GALNT2: variants seen among roughly 807,000 people sequenced by gnomAD.
GALNT2 encodes polypeptide N-acetylgalactosaminyltransferase 2.
GALNT2 carries 31 observed loss-of-function variants against 81.4 expected under a neutral mutation model. The observed-to-expected ratio is 0.38, with a 90% confidence interval of 0.29 to 0.51. GALNT2 has a LOEUF of 0.51. GALNT2 is among the 20% of genes least tolerant of loss of function. GALNT2 has a pLI of 0.87. For synonymous variants in GALNT2, 303 were observed against 287.4 expected, an observed-to-expected ratio of 1.05 and a Z score of -0.55; for missense variants, 629 against 765.7, an observed-to-expected ratio of 0.82 and a Z score of 2.11.
At chr1:230,145,525 T>C (rs1661888195) in intron 1 of GALNT2, among the ~76,000 whole-genome samples, 2 of 152,256 alleles carry the variant, frequency 1.3e-5, no homozygotes, top group Admixed American at 1.3e-4. Flanking sequence ...AATACAGACT[T>C]TTAGAGAATG....
Position 230,249,372 on chromosome 1 carries a change from C to T in GALNT2, c.905+101C>T, listed in dbSNP as rs1219255538. On this transcript the variant is annotated intron_variant, in intron 9 of 15. Coordinates refer to ENST00000366672, the MANE Select transcript of GALNT2 (RefSeq NM_004481.5). ...GCCTGGAGACCCAGTGGGGGCTGTT[C>T]ACCTTCTGCCCTCCGGTTTCCCCTC... is the stretch of plus-strand genomic sequence containing the variant. 5 of 919,838 alleles carry T rather than the reference C, an allele frequency of 5.4e-6. No homozygotes were observed. In the South Asian group the frequency reaches 7.7e-5, roughly 14 times the overall value. The allele number at this position is 919,838 out of a possible 1,614,324, so 57.0% of individuals were successfully genotyped here.
At chr1:230,197,144 C>T (rs1192924713) in intron 2 of GALNT2, among the ~76,000 whole-genome samples, 11 of 152,044 alleles carry the variant, frequency 7.2e-5, no homozygotes, top group Admixed American at 4.6e-4. Flanking sequence ...CTCGCATCTC[C>T]CCCTGCCTGA....
At chr1:230,221,715 A>C (rs973367754) in intron 3 of GALNT2, among the ~76,000 whole-genome samples, 38 of 152,174 alleles carry the variant, frequency 2.5e-4, no homozygotes, top group South Asian at 4.2e-4. Flanking sequence ...AGCTATTTTT[A>C]TTTTCATTAC....
chr1:230,092,181 T>TTTTTGTTTTTTTTG (rs776859825), intron 1 of GALNT2: 1 of 114,064 alleles, frequency 8.8e-6, no homozygotes, highest in East Asian at 2.5e-4. Context: ...CTTTAGTTTT[T>TTTTTGTTTTTTTTG]TTTTTTTTTT....
intron 14 of GALNT2, 128 bp downstream of exon 14, chr1:230,265,495 G>A: frequency 7.8e-7 from 1 of 1,289,708 alleles, no homozygotes; most frequent in Non-Finnish European, 1.1e-6. Flanking sequence ...GAAGCACCTG[G>A]CTCCTGCTGG....
chr1:230,274,404 C>G, intron 14 of GALNT2, 41 bp from the exon 15 acceptor site: 1 of 1,602,782 alleles, frequency 6.2e-7, no homozygotes, highest in Non-Finnish European at 8.5e-7. Flanking sequence ...TTTCACAGCC[C>G]GGTGCATAGC....
At chr1:230,113,155 C>G (rs1660751593) in intron 1 of GALNT2, among the ~76,000 whole-genome samples, 1 of 152,096 alleles carries the variant, frequency 6.6e-6, no homozygotes, top group Admixed American at 6.5e-5. Context: ...GGGATAGAGC[C>G]CCAGCGCTGG....
At chr1:230,095,721 G>T (rs1180582404) in intron 1 of GALNT2, among the ~76,000 whole-genome samples, 1 of 152,262 alleles carries the variant, frequency 6.6e-6, no homozygotes, top group Non-Finnish European at 1.5e-5. Flanking sequence ...TGCTGTGGAT[G>T]TGACACTGGG....
intron 1 of GALNT2, among the ~76,000 whole-genome samples, chr1:230,162,991 A>G (rs1558117956): frequency 6.6e-6 from 1 of 152,208 alleles, no homozygotes; most frequent in Non-Finnish European, 1.5e-5. Flanking sequence ...ATCAATGTGT[A>G]TGCCTTTTCT....
intron 2 of GALNT2, among the ~76,000 whole-genome samples, chr1:230,196,289 T>C (rs1357490021): frequency 6.6e-6 from 1 of 152,190 alleles, no homozygotes; most frequent in Non-Finnish European, 1.5e-5. Context: ...CCAAGTGCCC[T>C]TTCTCCGGGG....
At chr1:230,081,386 T>TTA (rs1659723452) in intron 1 of GALNT2, among the ~76,000 whole-genome samples, 1 of 152,198 alleles carries the variant, frequency 6.6e-6, no homozygotes, top group Non-Finnish European at 1.5e-5. Context: ...CTTTGAAAAA[T>TTA]TATACCGAGA....
At chr1:230,178,046 C>G (rs113869397) in intron 1 of GALNT2, among the ~76,000 whole-genome samples, 172 bp from the exon 2 acceptor site, 14 of 152,328 alleles carry the variant, frequency 9.2e-5, no homozygotes, top group Admixed American at 7.8e-4. Flanking sequence ...TGCATCTTGA[C>G]TCCCTAACAA....
chr1:230,235,213 C>CAAAAAAA (rs10532058), intron 3 of GALNT2, among the ~76,000 whole-genome samples: 1 of 76,732 alleles, frequency 1.3e-5, no homozygotes. Flanking sequence ...GACCCTGTCT[C>CAAAAAAA]AAAAAAAAAA....
chr1:230,068,849 G>A (rs1170949778), intron 1 of GALNT2, among the ~76,000 whole-genome samples: 1 of 152,162 alleles, frequency 6.6e-6, no homozygotes, highest in East Asian at 1.9e-4. Context: ...AATGGTATAG[G>A]TAGTATATGT....
chr1:230,128,015 G>A (rs996691438), intron 1 of GALNT2, among the ~76,000 whole-genome samples: 1 of 149,028 alleles, frequency 6.7e-6, no homozygotes. Context: ...CAGACTGAAT[G>A]GGATGATTTG....
chr1:230,112,369 A>G (rs1660727109), intron 1 of GALNT2, among the ~76,000 whole-genome samples: 1 of 85,342 alleles, frequency 1.2e-5, no homozygotes, highest in African/African-American at 5.6e-5. Flanking sequence ...GCCTGCCTCC[A>G]GAGGCGCCGG....
chr1:230,058,809 A>G (rs143728078), intron 1 of GALNT2, among the ~76,000 whole-genome samples: 25 of 152,222 alleles, frequency 1.6e-4, no homozygotes, highest in Non-Finnish European at 1.8e-4. Context: ...GGGGATTTTG[A>G]GCTTAGTGTC....
intron 3 of GALNT2, among the ~76,000 whole-genome samples, chr1:230,232,131 GTTT>G (rs1664883760): frequency 6.6e-6 from 1 of 152,130 alleles, no homozygotes; most frequent in Non-Finnish European, 1.5e-5. Context: ...TTAAAGACAT[GTTT>G]CAAGCCGACC....
chr1:230,057,981 C>G (rs970438437), upstream of GALNT2: 9 of 455,012 alleles, frequency 2.0e-5, no homozygotes, highest in African/African-American at 1.8e-4. Flanking sequence ...GGAAAGGGCT[C>G]TGATACAAGA....
Sources: gnomAD v4.1 joint callset for allele counts (sites outside exome capture counted in the v4.1 genomes callset) on GRCh38, gnomAD v4.1.1 for gene constraint, MANE v1.5 for transcripts, NCBI Gene and HGNC (gene_info 2026-07-23, HGNC 2026-07-21) for gene names.